The following ZNF578 variants were observed in gnomAD, a reference collection of about 807,000 sequenced individuals.
ZNF578 encodes zinc finger protein 578.
In ZNF578, 8 loss-of-function variants were observed where a neutral mutation model predicts 8.3. The ratio of observed to expected loss-of-function variants is 0.96; its 90% CI spans 0.56 to 1.74. The LOEUF (loss-of-function observed/expected upper bound fraction) is 1.74. ZNF578 is among the 40% of genes most tolerant of loss of function. The pLI is 0.00. For missense variants in ZNF578, 726 were observed against 707.5 expected, an observed-to-expected ratio of 1.03 and a Z score of -0.30; for synonymous variants, 206 against 232.2, an observed-to-expected ratio of 0.89 and a Z score of 1.03.
rs1568453995 is a variant in ZNF578, at chr19:52,459,640, CA to C, written c.-122+2683del. On this transcript the variant is annotated intron_variant, in intron 2 of 5. Coordinates refer to ENST00000421239, the MANE Select transcript of ZNF578 (RefSeq NM_001099694.2). ...ACACACACACACACACACACACACA[CA>C]CACACACACATATATATACTACCAT... Among the ~76,000 whole-genome samples, 10 of 135,080 alleles carry C rather than the reference CA, an allele frequency of 7.4e-5. No individual in the cohort carries two copies. In the East Asian group the frequency reaches 2.3e-3, roughly 31 times the overall value. 88.6% of individuals were successfully genotyped at this position (135,080 alleles called of 152,430 possible). A position where few individuals can be genotyped will look rare whatever the true frequency, so the allele number is the denominator to read the frequency against.
intron 2 of ZNF578, among the ~76,000 whole-genome samples, chr19:52,460,654 C>A (rs1363060351): frequency 6.6e-6 from 1 of 152,108 alleles, no homozygotes; most frequent in Non-Finnish European, 1.5e-5. Flanking sequence ...GGATGTAGAT[C>A]CTTTAGTGTT....
chr19:52,479,102 G>A (rs2059317098), intron 2 of ZNF578, among the ~76,000 whole-genome samples: 1 of 151,772 alleles, frequency 6.6e-6, no homozygotes, highest in Non-Finnish European at 1.5e-5. Context: ...GGTTATGCAT[G>A]GTAATCTCAT....
chr19:52,459,101 G>A (rs2059248228), intron 2 of ZNF578, among the ~76,000 whole-genome samples: 1 of 152,106 alleles, frequency 6.6e-6, no homozygotes, highest in African/African-American at 2.4e-5. Flanking sequence ...TGGGTTTTCC[G>A]GTCCATGATG....
chr19:52,479,567 A>G (rs183052254), intron 2 of ZNF578, among the ~76,000 whole-genome samples: 1,913 of 151,560 alleles, frequency 0.013, 42 homozygotes, highest in African/African-American at 0.045. Context: ...AAAAAAGGAA[A>G]AAAGAAACTT....
intron 2 of ZNF578, among the ~76,000 whole-genome samples, chr19:52,459,891 C>T (rs977362913): frequency 1.4e-5 from 2 of 143,730 alleles, no homozygotes; most frequent in Non-Finnish European, 3.0e-5. Context: ...TCTCCTGCCT[C>T]AGCCTTCCAA....
chr19:52,459,590 T>A, intron 2 of ZNF578, among the ~76,000 whole-genome samples: 1 of 141,490 alleles, frequency 7.1e-6, no homozygotes, highest in Non-Finnish European at 1.5e-5. Flanking sequence ...GAGGGCCTGC[T>A]TTCAAGTCTT....
intron 2 of ZNF578, among the ~76,000 whole-genome samples, chr19:52,471,735 C>T (rs1262800777): frequency 1.3e-5 from 2 of 152,236 alleles, no homozygotes; most frequent in South Asian, 2.1e-4. Context: ...GAGTGTATGG[C>T]ATCATCATTA....
In ZNF578 at chr19:52,515,241, A is replaced by G. The variant is rs972746744; in HGVS notation, c.*3087A>G. 2.6e-5 allele frequency among the ~76,000 whole-genome samples: 4 copies of G among 151,996 alleles called. No individual in the cohort carries two copies. Among genetic ancestry groups the G allele is most frequent in the African/African-American group, 9.7e-5 (4 of 41,380 alleles). On this transcript the variant is annotated 3_prime_UTR_variant, in exon 6 of 6. Transcript: ENST00000421239. ...GACCTCCCAAAATGCTAGGATTACA[A>G]GCGTGAGCCATTGTGCCTGACCACT...
At chr19:52,503,985 A>G (rs761215580) in intron 4 of ZNF578, among the ~76,000 whole-genome samples, 4 of 151,788 alleles carry the variant, frequency 2.6e-5, no homozygotes, top group Non-Finnish European at 4.4e-5. Flanking sequence ...TTTATTAGAG[A>G]CATGGTTTTG....
At position 52,489,665 on chromosome 19, in the gene ZNF578, ATTC is replaced by A. The variant is rs1014567153; in HGVS notation, c.-121-1653_-121-1651del. 2.2e-4 allele frequency among the ~76,000 whole-genome samples: 33 copies of A among 151,976 alleles called. No individual in the cohort carries two copies. In the East Asian group the frequency reaches 3.7e-3, roughly 17 times the overall value. ...ACGTATAGTCAACACCCATGGAGAAATTCTTCTTTTTTTTTTTTCTCACTGTGT... is the reference window on the plus strand; with the variant it reads ...ACGTATAGTCAACACCCATGGAGAAATTCTTTTTTTTTTTTCTCACTGTGT... On this transcript the variant is annotated intron_variant, in intron 2 of 5. Coordinates refer to ENST00000421239, the MANE Select transcript of ZNF578 (RefSeq NM_001099694.2).
rs761604718 is a variant in ZNF578, at chr19:52,511,152, AC to A, written c.772del (p.Gln258AsnfsTer45). The A allele has an allele frequency of 1.9e-6, 3 of 1,614,074 alleles. No individual in the cohort carries two copies. The highest frequency in any genetic ancestry group is 2.5e-6 in the Non-Finnish European group (3 of 1,180,006). On this transcript the variant is annotated frameshift_variant, in exon 6 of 6. Coordinates refer to ENST00000421239, the MANE Select transcript of ZNF578 (RefSeq NM_001099694.2). LOFTEE classifies it low-confidence loss of function (END_TRUNC). ...ATCAGATAATCCATTTAGGAGAAAA[AC>A]AATATAAATTTGATATATGTGGCAA... ...KHQIIHLGEKQYKFDICGKVF... is the reference protein window; with the variant it reads ...KHQIIHLGEKXYKFDICGKVF...
chr19:52,459,711 A>ATATGTGTG (rs1555751300), intron 2 of ZNF578, among the ~76,000 whole-genome samples: 10 of 5,928 alleles, frequency 1.7e-3, no homozygotes, highest in African/African-American at 6.2e-3. Context: ...GTATATGTAG[A>ATATGTGTG]TATGTGTGTG....
At chr19:52,504,836 T>C in intron 5 of ZNF578, 55 bp downstream of exon 5, 1 of 1,599,020 alleles carries the variant, frequency 6.3e-7, no homozygotes, top group Non-Finnish European at 8.5e-7. Flanking sequence ...GTCTTGGCTC[T>C]TCCTGGTTTT....
Position 52,513,986 on chromosome 19 carries a change from C to G in ZNF578, c.*1832C>G, listed in dbSNP as rs187219391. On this transcript the variant is annotated 3_prime_UTR_variant, in exon 6 of 6. Coordinates refer to ENST00000421239, the MANE Select transcript of ZNF578 (RefSeq NM_001099694.2). Reference sequence around the variant, plus strand: ...GTTACAGCGAATCAAAACCGTGCCACTGTACTGCAGCGAGGTTGGCAGAGT... The same window carrying G: ...GTTACAGCGAATCAAAACCGTGCCAGTGTACTGCAGCGAGGTTGGCAGAGT... Among the ~76,000 whole-genome samples the G allele has an allele frequency of 6.6e-6, 1 of 152,108 alleles. No individual in the cohort carries two copies. The highest frequency in any genetic ancestry group is 1.9e-4 in the East Asian group (1 of 5,180).
intron 2 of ZNF578, among the ~76,000 whole-genome samples, chr19:52,488,007 T>C (rs1342091074): frequency 6.9e-6 from 1 of 144,744 alleles, no homozygotes; most frequent in Non-Finnish European, 1.5e-5. Flanking sequence ...CAGGCTGGAG[T>C]GCGATGGCAT....
intron 3 of ZNF578, among the ~76,000 whole-genome samples, chr19:52,500,717 T>C (rs28475269): frequency 0.19 from 28,989 of 151,720 alleles, 2,978 homozygotes; most frequent in Non-Finnish European, 0.23. Flanking sequence ...TCAAAGGAGG[T>C]ACTCAGATAG....
chr19:52,504,286 C>T (rs556395579), intron 4 of ZNF578, among the ~76,000 whole-genome samples: 61 of 151,830 alleles, frequency 4.0e-4, no homozygotes, highest in African/African-American at 8.2e-4. Flanking sequence ...AGACAGGTTT[C>T]CACCACATTG....
intron 2 of ZNF578, among the ~76,000 whole-genome samples, chr19:52,478,948 A>G (rs1287825943): frequency 1.3e-5 from 2 of 151,772 alleles, no homozygotes; most frequent in Non-Finnish European, 1.5e-5. Context: ...TCCCGACCTC[A>G]GGTGATCTGC....
intron 2 of ZNF578, among the ~76,000 whole-genome samples, chr19:52,461,337 T>G (rs1045399730): frequency 1.3e-5 from 2 of 152,240 alleles, no homozygotes; most frequent in Non-Finnish European, 2.9e-5. Flanking sequence ...CCATCCATAT[T>G]AACAGTCTGT....
Sources: gnomAD v4.1 joint callset for allele counts (sites outside exome capture counted in the v4.1 genomes callset) on GRCh38, gnomAD v4.1.1 for gene constraint, MANE v1.5 for transcripts, NCBI Gene and HGNC (gene_info 2026-07-23, HGNC 2026-07-21) for gene names.